OPHN1: variants seen among roughly 807,000 people sequenced by gnomAD.
The protein encoded by OPHN1 is oligophrenin-1.
Under a neutral mutation model 60.7 loss-of-function variants are expected in OPHN1, and 11 were observed. The ratio of observed to expected loss-of-function variants is 0.18; its 90% CI spans 0.11 to 0.30. OPHN1 has a LOEUF of 0.30. OPHN1 is among the 10% of genes least tolerant of loss of function. The pLI, the probability that OPHN1 is intolerant of heterozygous loss-of-function variation, is 1.00. For synonymous variants in OPHN1, 226 were observed against 222.6 expected, an observed-to-expected ratio of 1.02 and a Z score of -0.14; for missense variants, 449 against 611.0, an observed-to-expected ratio of 0.73 and a Z score of 2.80.
intron 19 of OPHN1, among the ~76,000 whole-genome samples, chrX:68,092,093 A>G (rs781183189): frequency 8.9e-5 from 9 of 100,743 alleles, no homozygotes; most frequent in African/African-American, 3.1e-4. Flanking sequence ...TGCTCTTAAA[A>G]GAGAGACTGA....
intron 17 of OPHN1, 32 bp from the exon 18 acceptor site, chrX:68,111,991 G>T: frequency 9.8e-7 from 1 of 1,018,529 alleles, no homozygotes; most frequent in Non-Finnish European, 1.4e-6. Flanking sequence ...TAAATGGTTT[G>T]GCTTTCTGGG....
intron 20 of OPHN1, chrX:68,070,753 C>G (rs1291372802): frequency 4.8e-5 from 55 of 1,134,525 alleles, no homozygotes; most frequent in Admixed American, 1.5e-4. Flanking sequence ...TCAAATACCC[C>G]CCACAGGACC....
chrX:68,227,154 CAAA>C (rs1213707711), intron 6 of OPHN1, among the ~76,000 whole-genome samples: 1 of 111,340 alleles, frequency 9.0e-6, no homozygotes, highest in Non-Finnish European at 1.9e-5. Context: ...TCAAAAGAGA[CAAA>C]GAAGGCCATT....
At chrX:68,132,700 TA>T (rs1396035921) in intron 15 of OPHN1, among the ~76,000 whole-genome samples, 24 of 41,430 alleles carry the variant, frequency 5.8e-4, no homozygotes, top group South Asian at 2.4e-3. Context: ...AAAGTATAAT[TA>T]AAAAAAAATA....
intron 2 of OPHN1, among the ~76,000 whole-genome samples, chrX:68,429,013 C>G (rs2078872536): frequency 8.9e-6 from 1 of 112,248 alleles, no homozygotes; most frequent in African/African-American, 3.2e-5. Flanking sequence ...GTATTATCAA[C>G]AACTTTGTTT....
At chrX:68,184,069 T>C (rs2077450577) in intron 15 of OPHN1, among the ~76,000 whole-genome samples, 1 of 111,634 alleles carries the variant, frequency 9.0e-6, no homozygotes, top group African/African-American at 3.3e-5. Flanking sequence ...GGGGGAGGGA[T>C]AGCATCAGAA....
intron 19 of OPHN1, 46 bp downstream of exon 19, chrX:68,096,824 G>T (rs368865962): frequency 2.1e-5 from 25 of 1,171,363 alleles, no homozygotes; most frequent in Non-Finnish European, 2.8e-5. Context: ...TTGGGGGAAA[G>T]TGTCACATGT....
intron 18 of OPHN1, among the ~76,000 whole-genome samples, chrX:68,106,761 T>A (rs2077083540): frequency 8.9e-6 from 1 of 112,083 alleles, no homozygotes; most frequent in Non-Finnish European, 1.9e-5. Flanking sequence ...GGCATAGATG[T>A]ACTCATCATA....
chrX:68,292,213 T>C (rs2078073895), intron 3 of OPHN1, among the ~76,000 whole-genome samples: 1 of 111,555 alleles, frequency 9.0e-6, no homozygotes, highest in Non-Finnish European at 1.9e-5. Flanking sequence ...TTACTTGATA[T>C]TATTGATATA....
chrX:68,073,029 T>A, intron 20 of OPHN1, 123 bp downstream of exon 20: 1 of 824,075 alleles, frequency 1.2e-6, no homozygotes, highest in South Asian at 2.3e-5. Context: ...GCTTTTAAGC[T>A]CAGGAGCCAG....
chrX:68,227,197 G>T (rs888429143), intron 6 of OPHN1, among the ~76,000 whole-genome samples: 7 of 111,880 alleles, frequency 6.3e-5, no homozygotes, highest in Non-Finnish European at 1.3e-4. Flanking sequence ...AATTCAACAA[G>T]AAGAGCTAAC....
intron 2 of OPHN1, among the ~76,000 whole-genome samples, chrX:68,317,376 A>AAAGAAAGAAAGAAAGAAAGGAAGAAAGG (rs1555970490): frequency 2.0e-5 from 1 of 50,590 alleles, no homozygotes; most frequent in Admixed American, 2.3e-4. Context: ...AGAAAGAAAG[A>AAAGAAAGAAAGAAAGAAAGGAAGAAAGG]AAGGAAGGAA....
chrX:68,053,721 G>A lies in OPHN1; in HGVS notation c.2248C>T (p.Arg750Trp), dbSNP rs371280317. The A allele has an allele frequency of 3.6e-5, 43 of 1,208,782 alleles. No homozygotes were observed. Among genetic ancestry groups the A allele is most frequent in the Admixed American group, 8.8e-5 (4 of 45,646 alleles). Residue 750 changes from arginine to tryptophan, a missense_variant, in exon 22 of 25, where the codon CGG becomes TGG. Physicochemically the swap from Arg to Trp is moderately radical, Grantham distance 101. Transcript: ENST00000355520. ...TCTGGCTTTTGGGGAGTAGCTGCCC[G>A]GCAGGGAGGATCTGGGGGCCTCACT... Reference protein sequence around the residue: ...PPVRPPDPPCRAATPQKPEPK... With the variant: ...PPVRPPDPPCWAATPQKPEPK...
chrX:68,335,183 C>CG (rs1233773033), intron 2 of OPHN1, among the ~76,000 whole-genome samples: 10 of 105,727 alleles, frequency 9.5e-5, no homozygotes, highest in South Asian at 8.6e-4. Context: ...AAAAAAAAAG[C>CG]GGGGGGGTGC....
At chrX:68,419,509 T>C (rs1166924026) in intron 2 of OPHN1, among the ~76,000 whole-genome samples, 1 of 107,676 alleles carries the variant, frequency 9.3e-6, no homozygotes, top group Non-Finnish European at 1.9e-5. Context: ...AATACCATCC[T>C]ACTTTTCCTC....
intron 6 of OPHN1, among the ~76,000 whole-genome samples, chrX:68,221,107 C>CA (rs1305554699): frequency 1.1e-5 from 1 of 93,883 alleles, no homozygotes. Flanking sequence ...AATCAATGTA[C>CA]AAAAATCACA....
chrX:68,328,707 A>AAGG (rs2078280302), intron 2 of OPHN1, among the ~76,000 whole-genome samples: 1 of 111,454 alleles, frequency 9.0e-6, no homozygotes, highest in Non-Finnish European at 1.9e-5. Context: ...TATAGAAAGG[A>AAGG]CTCTTATAAA....
At chrX:68,277,668 G>A (rs1194344948) in intron 4 of OPHN1, among the ~76,000 whole-genome samples, 1 of 111,137 alleles carries the variant, frequency 9.0e-6, no homozygotes, top group African/African-American at 3.3e-5. Flanking sequence ...GCACATGCCT[G>A]TAATCCCAGC....
chrX:68,166,426 C>T (rs1253535988), intron 15 of OPHN1, among the ~76,000 whole-genome samples: 3 of 110,554 alleles, frequency 2.7e-5, no homozygotes, highest in Admixed American at 1.9e-4. Flanking sequence ...CCCAGCAACT[C>T]GGGAGGCTGA....
Sources: allele counts gnomAD v4.1 joint callset (sites outside exome capture counted in the v4.1 genomes callset), GRCh38; gene constraint gnomAD v4.1.1; transcripts MANE v1.5; gene names NCBI Gene and HGNC (gene_info 2026-07-23, HGNC 2026-07-21).